Variants in ADAMTS3 observed in about 807,000 individuals in gnomAD.
ADAMTS3 encodes A disintegrin and metalloproteinase with thrombospondin motifs 3.
Under a neutral mutation model 129.0 loss-of-function variants are expected in ADAMTS3, and 73 were observed. The ratio of observed to expected loss-of-function variants is 0.57; its 90% CI spans 0.47 to 0.69. ADAMTS3 has a LOEUF of 0.69. Among genes scored for constraint, ADAMTS3 ranks in the 30% least tolerant of loss-of-function variants. The pLI is 0.00. For synonymous variants in ADAMTS3, 477 were observed against 510.8 expected, an observed-to-expected ratio of 0.93 and a Z score of 0.89; for missense variants, 1,457 against 1,514.5, an observed-to-expected ratio of 0.96 and a Z score of 0.63.
At chr4:72,296,692 C>T (rs1374018977) in intron 18 of ADAMTS3, among the ~76,000 whole-genome samples, 1 of 152,052 alleles carries the variant, frequency 6.6e-6, no homozygotes, top group East Asian at 1.9e-4. Context: ...GAAGTACATT[C>T]TCTTATATAA....
intron 17 of ADAMTS3, among the ~76,000 whole-genome samples, chr4:72,298,874 C>G (rs905052168): frequency 2.0e-5 from 3 of 150,774 alleles, no homozygotes; most frequent in Non-Finnish European, 3.0e-5. Flanking sequence ...AATTTTGGTG[C>G]ATTTTAAAAT....
intron 4 of ADAMTS3, among the ~76,000 whole-genome samples, chr4:72,351,073 G>A (rs759087030): frequency 1.1e-4 from 17 of 151,868 alleles, no homozygotes; most frequent in Non-Finnish European, 2.2e-4. Flanking sequence ...CAATAAGCTG[G>A]GGCAATCCTG....
At chr4:72,473,285 A>G (rs1312820137) in intron 3 of ADAMTS3, among the ~76,000 whole-genome samples, 1 of 152,090 alleles carries the variant, frequency 6.6e-6, no homozygotes, top group South Asian at 2.1e-4. Context: ...AAGAAGGCAG[A>G]CTAGCTAAAG....
intron 3 of ADAMTS3, among the ~76,000 whole-genome samples, chr4:72,452,323 A>G (rs1718428270): frequency 6.6e-6 from 1 of 151,152 alleles, no homozygotes; most frequent in South Asian, 2.1e-4. Context: ...TATAAAATAT[A>G]ATAAGTATAG....
chr4:72,552,393 A>G (rs1721666323), intron 2 of ADAMTS3, among the ~76,000 whole-genome samples: 1 of 152,182 alleles, frequency 6.6e-6, no homozygotes. Context: ...CACTCATTAA[A>G]ATAATGTTGT....
intron 4 of ADAMTS3, among the ~76,000 whole-genome samples, chr4:72,362,753 G>C (rs887679553): frequency 6.6e-6 from 1 of 151,946 alleles, no homozygotes; most frequent in Non-Finnish European, 1.5e-5. Flanking sequence ...TAATGCATAG[G>C]GTTCACCTTT....
chr4:72,303,445 AAG>A (rs1321163794), intron 17 of ADAMTS3, among the ~76,000 whole-genome samples: 1 of 152,244 alleles, frequency 6.6e-6, no homozygotes, highest in South Asian at 2.1e-4. Flanking sequence ...ATATCTAGTA[AAG>A]ATATCCTTCA....
chr4:72,410,280 A>G (rs1722154194), intron 4 of ADAMTS3, among the ~76,000 whole-genome samples: 1 of 152,142 alleles, frequency 6.6e-6, no homozygotes, highest in Non-Finnish European at 1.5e-5. Flanking sequence ...GGCAACCAGC[A>G]GCAACTCCCA....
intron 3 of ADAMTS3, among the ~76,000 whole-genome samples, chr4:72,429,827 A>G (rs1408479245): frequency 6.6e-6 from 1 of 152,036 alleles, no homozygotes; most frequent in Non-Finnish European, 1.5e-5. Context: ...TTCCTTCTGC[A>G]GTTGGGTGAA....
rs139741852 is a variant in ADAMTS3 at position 72,335,118 on chromosome 4, G to A, written c.861+4376C>T. On this transcript the variant is annotated intron_variant, in intron 5 of 21. Coordinates refer to ENST00000286657, the MANE Select transcript of ADAMTS3 (RefSeq NM_014243.3). ...CAAAAATAGATTATGGAGAATTAAG[G>A]TTAGTGATGAAATCTTTGAAGGTAT... 7.9e-5 allele frequency among the ~76,000 whole-genome samples: 12 copies of A among 152,242 alleles called. No individual in the cohort carries two copies. In the East Asian group the frequency reaches 2.3e-3, roughly 29 times the overall value.
chr4:72,398,772 T>A (rs1721793454), intron 4 of ADAMTS3, among the ~76,000 whole-genome samples: 1 of 152,136 alleles, frequency 6.6e-6, no homozygotes, highest in Non-Finnish European at 1.5e-5. Flanking sequence ...AAGCAAGTTC[T>A]ACATCCTAAA....
chr4:72,345,078 A>G (rs1174666827), intron 4 of ADAMTS3, among the ~76,000 whole-genome samples: 1 of 152,170 alleles, frequency 6.6e-6, no homozygotes, highest in Non-Finnish European at 1.5e-5. Flanking sequence ...AGAATAAAAT[A>G]CGATTCATGT....
chr4:72,539,342 G>A (rs1319320620), intron 3 of ADAMTS3, among the ~76,000 whole-genome samples: 1 of 151,800 alleles, frequency 6.6e-6, no homozygotes, highest in Non-Finnish European at 1.5e-5. Flanking sequence ...ATGAGCAAAT[G>A]ACTTCAGTAG....
chr4:72,305,154 T>C (rs994708991), intron 16 of ADAMTS3, among the ~76,000 whole-genome samples: 1 of 152,084 alleles, frequency 6.6e-6, no homozygotes, highest in Admixed American at 6.6e-5. Context: ...AAGTAAGTTA[T>C]GTTTACACTT....
intron 4 of ADAMTS3, among the ~76,000 whole-genome samples, chr4:72,346,649 TAAAC>T (rs1257275694): frequency 6.6e-6 from 1 of 152,104 alleles, no homozygotes; most frequent in African/African-American, 2.4e-5. Context: ...AAATATAAGA[TAAAC>T]AACAGTATTT....
chr4:72,476,712 A>AAAATAAT (rs1343861968), intron 3 of ADAMTS3, among the ~76,000 whole-genome samples: 6 of 152,158 alleles, frequency 3.9e-5, no homozygotes, highest in African/African-American at 1.4e-4. Flanking sequence ...ATTACACATC[A>AAAATAAT]ACATTCCTCA....
chr4:72,315,736 C>G (rs1719377009), intron 11 of ADAMTS3, 122 bp downstream of exon 11: 2 of 620,558 alleles, frequency 3.2e-6, no homozygotes, highest in Non-Finnish European at 5.5e-6. Context: ...TTTAATAAAG[C>G]CTTGCATACT....
intron 4 of ADAMTS3, among the ~76,000 whole-genome samples, chr4:72,379,998 C>T (rs1172798964): frequency 3.9e-5 from 6 of 152,028 alleles, no homozygotes; most frequent in Non-Finnish European, 5.9e-5. Context: ...TTAGGGTTCA[C>T]ATAAGCAACA....
intron 3 of ADAMTS3, among the ~76,000 whole-genome samples, chr4:72,417,775 A>T (rs9999213): frequency 6.7e-6 from 1 of 150,018 alleles, no homozygotes; most frequent in Admixed American, 6.6e-5. Context: ...CTAAAAATAC[A>T]AAAAAAAATT....
Sources: allele counts gnomAD v4.1 joint callset (sites outside exome capture counted in the v4.1 genomes callset), GRCh38; gene constraint gnomAD v4.1.1; transcripts MANE v1.5; gene names NCBI Gene and HGNC (gene_info 2026-07-23, HGNC 2026-07-21).